VEPH1: variants seen among roughly 807,000 people sequenced by gnomAD.
The protein encoded by VEPH1 is ventricular zone expressed PH domain containing 1, also known as ventricular zone-expressed PH domain-containing protein homolog 1.
In VEPH1, 80 loss-of-function variants were observed where a neutral mutation model predicts 85.2. The observed-to-expected ratio is 0.94, with a 90% confidence interval of 0.78 to 1.13. The LOEUF (loss-of-function observed/expected upper bound fraction) is 1.13, where lower values mean the gene tolerates loss of function less well. Ranked by LOEUF, VEPH1 falls within the 50% of genes most tolerant of loss-of-function variation. The pLI, the probability that VEPH1 is intolerant of heterozygous loss-of-function variation, is 0.00. For missense variants in VEPH1, 955 were observed against 980.5 expected (o/e 0.97, Z 0.35); for synonymous variants, 297 against 348.0 (o/e 0.85, Z 1.63).
At chr3:157,381,601 C>A (rs372781207) in intron 6 of VEPH1, 6 of 531,908 alleles carry the variant, frequency 1.1e-5, no homozygotes, top group African/African-American at 9.5e-5. Flanking sequence ...TGCCTGTAAT[C>A]CCAGCTACTT....
intron 5 of VEPH1, among the ~76,000 whole-genome samples, chr3:157,419,565 G>GA (rs886201558): frequency 1.3e-5 from 2 of 151,798 alleles, no homozygotes; most frequent in African/African-American, 4.8e-5. Context: ...GCAGACATAT[G>GA]AAAAAAAACT....
chr3:157,480,862 T>C (rs1737976405), intron 2 of VEPH1, among the ~76,000 whole-genome samples: 1 of 152,188 alleles, frequency 6.6e-6, no homozygotes, highest in Non-Finnish European at 1.5e-5. Flanking sequence ...CTTTGAGAAA[T>C]CTTCACACTG....
chr3:157,413,138 T>C (rs1731650548), intron 6 of VEPH1, among the ~76,000 whole-genome samples: 1 of 152,142 alleles, frequency 6.6e-6, no homozygotes, highest in African/African-American at 2.4e-5. Flanking sequence ...CAATTATAGA[T>C]TTGTTTTTAT....
intron 9 of VEPH1, among the ~76,000 whole-genome samples, chr3:157,348,775 C>G (rs1724528577): frequency 2.0e-5 from 3 of 152,212 alleles, no homozygotes; most frequent in Admixed American, 2.0e-4. Context: ...CTTCCACACT[C>G]CAGTCAAATT....
At chr3:157,461,162 A>G (rs535846582) in intron 3 of VEPH1, among the ~76,000 whole-genome samples, 43 of 152,358 alleles carry the variant, frequency 2.8e-4, no homozygotes, top group African/African-American at 9.4e-4. Context: ...TTACTTTGTG[A>G]CTGAATATAA....
At chr3:157,389,369 T>A (rs545537831) in intron 6 of VEPH1, among the ~76,000 whole-genome samples, 1 of 152,190 alleles carries the variant, frequency 6.6e-6, no homozygotes, top group African/African-American at 2.4e-5. Flanking sequence ...AAGAAAAATG[T>A]GGCAATAAAG....
chr3:157,355,826 G>A (rs1298096333), intron 9 of VEPH1, among the ~76,000 whole-genome samples: 1 of 151,598 alleles, frequency 6.6e-6, no homozygotes, highest in East Asian at 1.9e-4. Flanking sequence ...GATAATTGAT[G>A]TGGATATTTT....
At chr3:157,364,928 A>G (rs1726461453) in intron 7 of VEPH1, among the ~76,000 whole-genome samples, 1 of 152,236 alleles carries the variant, frequency 6.6e-6, no homozygotes, top group Non-Finnish European at 1.5e-5. Context: ...TGCACTGTAT[A>G]AACTCATGGT....
chr3:157,489,215 C>G, intron 2 of VEPH1: 1 of 456,298 alleles, frequency 2.2e-6, no homozygotes, highest in South Asian at 1.6e-5. Flanking sequence ...GCTCAGAACT[C>G]TCCAGTGGCT....
chr3:157,428,698 T>C (rs1249202904), intron 4 of VEPH1, among the ~76,000 whole-genome samples: 1 of 152,216 alleles, frequency 6.6e-6, no homozygotes, highest in Non-Finnish European at 1.5e-5. Context: ...TATGATATAA[T>C]CAGCACCATT....
At chr3:157,383,407 C>T (rs1728971311) in intron 6 of VEPH1, among the ~76,000 whole-genome samples, 1 of 152,162 alleles carries the variant, frequency 6.6e-6, no homozygotes, top group African/African-American at 2.4e-5. Context: ...GGATTCTACA[C>T]CCAGTGTGTG....
At chr3:157,459,762 T>A (rs1381484293) in intron 4 of VEPH1, 20 of 1,448,740 alleles carry the variant, frequency 1.4e-5, no homozygotes, top group Non-Finnish European at 1.8e-5. Context: ...ACACATTTTC[T>A]GATGTATTTT....
Position 157,364,397 on chromosome 3 carries a change from T to G in VEPH1, c.1243A>C (p.Lys415Gln). The G allele has an allele frequency of 6.2e-7, 1 of 1,614,076 alleles. No individual in the cohort carries two copies. Among genetic ancestry groups the G allele is most frequent in the East Asian group, 2.2e-5 (1 of 44,846 alleles). Residue 415 changes from lysine (K) to glutamine (Q), a missense_variant, in exon 8 of 14, where the codon AAG (lysine) becomes CAG (glutamine). Transcript: ENST00000362010. ...LQVKIQAFEDKINAGSNTPGS... is the reference protein window; with the variant it reads ...LQVKIQAFEDQINAGSNTPGS... Reference sequence around the variant, plus strand: ...GGGGTATTGCTCCCTGCATTTATCTTGTCTTCAAAAGCCTGGATTTTAACT... The same window carrying G: ...GGGGTATTGCTCCCTGCATTTATCTGGTCTTCAAAAGCCTGGATTTTAACT...
chr3:157,488,026 A>G (rs1738821229), intron 2 of VEPH1, among the ~76,000 whole-genome samples: 1 of 152,172 alleles, frequency 6.6e-6, no homozygotes, highest in Non-Finnish European at 1.5e-5. Context: ...TAGTCAGGAT[A>G]TGAGACAAAG....
At chr3:157,294,036 G>T (rs1210925417) in intron 11 of VEPH1, among the ~76,000 whole-genome samples, 1 of 151,826 alleles carries the variant, frequency 6.6e-6, no homozygotes, top group Non-Finnish European at 1.5e-5. Flanking sequence ...TTTTCTAATT[G>T]ATTACTGCCA....
chr3:157,451,222 T>A (rs564265224), intron 4 of VEPH1, among the ~76,000 whole-genome samples: 2 of 152,222 alleles, frequency 1.3e-5, no homozygotes, highest in Non-Finnish European at 2.9e-5. Flanking sequence ...GTTTTTTAAT[T>A]TTTTTGTGTG....
At chr3:157,403,264 A>G (rs994848004) in intron 6 of VEPH1, among the ~76,000 whole-genome samples, 3 of 152,168 alleles carry the variant, frequency 2.0e-5, no homozygotes, top group African/African-American at 7.2e-5. Flanking sequence ...ATAACATTAA[A>G]AAATAAAAAC....
At chr3:157,345,493 C>T (rs141564075) in intron 9 of VEPH1, among the ~76,000 whole-genome samples, 401 of 152,272 alleles carry the variant, frequency 2.6e-3, no homozygotes, top group African/African-American at 9.3e-3. Context: ...TCATCTCACA[C>T]CAGTTAGAAT....
intron 2 of VEPH1, among the ~76,000 whole-genome samples, chr3:157,481,466 A>AC (rs60332684): frequency 0.056 from 2,664 of 47,156 alleles, 84 homozygotes; most frequent in African/African-American, 0.082. Flanking sequence ...ACACACACAC[A>AC]AAAAAAAAAA....
Sources: gnomAD v4.1 joint callset for allele counts (sites outside exome capture counted in the v4.1 genomes callset) on GRCh38, gnomAD v4.1.1 for gene constraint, MANE v1.5 for transcripts, NCBI Gene and HGNC (gene_info 2026-07-23, HGNC 2026-07-21) for gene names.